The following ADAMTSL3 variants were observed in gnomAD, a reference collection of about 807,000 sequenced individuals.
ADAMTSL3 encodes ADAMTS-like protein 3.
A neutral mutation model predicts 201.7 loss-of-function variants in ADAMTSL3; 128 were observed. The observed-to-expected ratio is 0.63, with a 90% CI of 0.55 to 0.73. The LOEUF is 0.73. Among genes scored for constraint, ADAMTSL3 ranks in the 30% least tolerant of loss-of-function variants. The probability of loss-of-function intolerance (pLI) is 0.00; values close to 1 mark genes in which losing one functional copy is unlikely to be tolerated. For missense variants in ADAMTSL3, 1,990 were observed against 2,119.6 expected (o/e 0.94, Z 1.20); for synonymous variants, 738 against 748.4 (o/e 0.99, Z 0.23).
chr15:83,671,053 T>TTA (rs1175133101), intron 2 of ADAMTSL3, among the ~76,000 whole-genome samples: 3 of 152,216 alleles, frequency 2.0e-5, no homozygotes, highest in Admixed American at 1.3e-4. Flanking sequence ...TTGTTTTTTT[T>TTA]AATATTCAGC....
At chr15:83,737,527 C>T (rs2062387534) in intron 3 of ADAMTSL3, among the ~76,000 whole-genome samples, 1 of 152,158 alleles carries the variant, frequency 6.6e-6, no homozygotes, top group Non-Finnish European at 1.5e-5. Flanking sequence ...GCCTGCTTCT[C>T]CTTCTGCCAT....
chr15:83,691,685 G>A (rs537207539), intron 2 of ADAMTSL3, among the ~76,000 whole-genome samples: 9 of 152,288 alleles, frequency 5.9e-5, no homozygotes, highest in African/African-American at 1.9e-4. Flanking sequence ...TGCGATCTTG[G>A]CTCATTGCAA....
intron 3 of ADAMTSL3, among the ~76,000 whole-genome samples, chr15:83,750,989 T>A (rs79997076): frequency 0.019 from 2,883 of 152,368 alleles, 63 homozygotes; most frequent in South Asian, 0.1. Context: ...TATATATTAT[T>A]AAGTCCCTCT....
intron 3 of ADAMTSL3, among the ~76,000 whole-genome samples, chr15:83,767,461 C>G (rs1203850065): frequency 6.6e-6 from 1 of 152,128 alleles, no homozygotes; most frequent in South Asian, 2.1e-4. Context: ...TTGAGACAAC[C>G]TAAAGAGATG....
intron 2 of ADAMTSL3, among the ~76,000 whole-genome samples, chr15:83,675,331 G>A (rs2061387921): frequency 6.6e-6 from 1 of 151,946 alleles, no homozygotes; most frequent in South Asian, 2.1e-4. Flanking sequence ...ATCATGAATA[G>A]GTGTTTAATT....
chr15:83,976,852 A>G (rs1177145479), intron 20 of ADAMTSL3, among the ~76,000 whole-genome samples: 2 of 152,106 alleles, frequency 1.3e-5, no homozygotes, highest in East Asian at 1.9e-4. Flanking sequence ...TTGGGGACCC[A>G]TGATCTAGAT....
chr15:83,976,545 T>C (rs1476118295), intron 20 of ADAMTSL3, among the ~76,000 whole-genome samples: 1 of 151,520 alleles, frequency 6.6e-6, no homozygotes, highest in Non-Finnish European at 1.5e-5. Flanking sequence ...TCAGTGAGAG[T>C]CCTGAGCTTG....
intron 6 of ADAMTSL3, among the ~76,000 whole-genome samples, chr15:83,822,484 G>A (rs1160541545): frequency 3.6e-5 from 5 of 140,422 alleles, no homozygotes; most frequent in Non-Finnish European, 7.6e-5. Context: ...CAGACGGGGC[G>A]GCCGGGCAGA....
chr15:83,976,362 A>G (rs929597175), intron 20 of ADAMTSL3, among the ~76,000 whole-genome samples: 18 of 152,270 alleles, frequency 1.2e-4, no homozygotes, highest in Admixed American at 5.9e-4. Context: ...AGTGGTCTAC[A>G]GCCATTTTGG....
chr15:83,796,933 ATGTC>A (rs2063436730), intron 4 of ADAMTSL3, among the ~76,000 whole-genome samples: 3 of 152,344 alleles, frequency 2.0e-5, no homozygotes, highest in Admixed American at 1.3e-4. Flanking sequence ...GTAAAAAACA[ATGTC>A]TGGAAACATT....
chr15:83,818,141 A>T (rs2063797956), intron 5 of ADAMTSL3, among the ~76,000 whole-genome samples: 1 of 152,218 alleles, frequency 6.6e-6, no homozygotes, highest in African/African-American at 2.4e-5. Flanking sequence ...ATAACCTTGG[A>T]CTCAGAAATT....
At chr15:83,827,652 A>G (rs373290248) in intron 6 of ADAMTSL3, among the ~76,000 whole-genome samples, 2 of 152,182 alleles carry the variant, frequency 1.3e-5, no homozygotes, top group East Asian at 1.9e-4. Flanking sequence ...TAGGTCTAAC[A>G]TTTAAGTCTT....
chr15:83,899,853 C>A, intron 15 of ADAMTSL3, 122 bp downstream of exon 15: 1 of 1,292,086 alleles, frequency 7.7e-7, no homozygotes, highest in Non-Finnish European at 1.0e-6. Flanking sequence ...GATTTACAGA[C>A]TCTAGAGAGC....
At chr15:83,853,094 A>T (rs1400759081) in intron 7 of ADAMTSL3, among the ~76,000 whole-genome samples, 1 of 152,094 alleles carries the variant, frequency 6.6e-6, no homozygotes, top group Non-Finnish European at 1.5e-5. Context: ...ACCTCAGGTG[A>T]TCCTCCCGCC....
At chr15:83,952,904 T>C (rs1293450429) in intron 19 of ADAMTSL3, among the ~76,000 whole-genome samples, 1 of 152,228 alleles carries the variant, frequency 6.6e-6, no homozygotes, top group Non-Finnish European at 1.5e-5. Context: ...TCTTACAGTT[T>C]TTGCCTTGAA....
intron 19 of ADAMTSL3, among the ~76,000 whole-genome samples, chr15:83,965,378 G>A (rs570969466): frequency 1.1e-3 from 169 of 148,558 alleles, no homozygotes; most frequent in African/African-American, 4.1e-3. Flanking sequence ...AGCAGGGGTT[G>A]CAGTCCTAGT....
intron 6 of ADAMTSL3, among the ~76,000 whole-genome samples, chr15:83,821,520 G>A (rs2063864957): frequency 1.3e-5 from 2 of 151,460 alleles, no homozygotes; most frequent in Non-Finnish European, 2.9e-5. Context: ...TTAACCCTGA[G>A]TGGACACAGC....
At chr15:83,783,295 T>C (rs569514189) in intron 4 of ADAMTSL3, among the ~76,000 whole-genome samples, 3 of 151,692 alleles carry the variant, frequency 2.0e-5, no homozygotes, top group Non-Finnish European at 2.9e-5. Context: ...CAAGGGCAAA[T>C]AGAATCATGC....
chr15:83,762,355 G>A (rs1051384998), intron 3 of ADAMTSL3, among the ~76,000 whole-genome samples: 4 of 152,162 alleles, frequency 2.6e-5, no homozygotes, highest in Admixed American at 6.5e-5. Flanking sequence ...TGATCTTAGC[G>A]TGCAGTAAAG....
Sources: gnomAD v4.1 joint callset for allele counts (sites outside exome capture counted in the v4.1 genomes callset) on GRCh38, gnomAD v4.1.1 for gene constraint, MANE v1.5 for transcripts, NCBI Gene and HGNC (gene_info 2026-07-23, HGNC 2026-07-21) for gene names.